VPS13B: variants seen among roughly 807,000 people sequenced by gnomAD.
VPS13B encodes vacuolar protein sorting 13 homolog B, also known as intermembrane lipid transfer protein VPS13B.
In VPS13B, 285 loss-of-function variants were observed where a neutral mutation model predicts 426.4. The ratio of observed to expected loss-of-function variants is 0.67; its 90% CI spans 0.61 to 0.74. The LOEUF (loss-of-function observed/expected upper bound fraction) is 0.74, where lower values mean the gene tolerates loss of function less well. VPS13B is among the 30% of genes least tolerant of loss of function. The pLI, the probability that VPS13B is intolerant of heterozygous loss-of-function variation, is 0.00. For missense variants in VPS13B, 4,537 were observed against 4,782.6 expected (o/e 0.95, Z 1.51); for synonymous variants, 1,676 against 1,676.4 (o/e 1.00, Z 0.01).
intron 31 of VPS13B, among the ~76,000 whole-genome samples, chr8:99,566,681 G>A (rs1056693276): frequency 2.0e-5 from 3 of 152,182 alleles, no homozygotes; most frequent in Admixed American, 1.3e-4. Flanking sequence ...GACCTCAGGT[G>A]ATCCACCAGC....
chr8:99,452,132 G>A (rs1818228718), intron 23 of VPS13B, among the ~76,000 whole-genome samples: 1 of 152,088 alleles, frequency 6.6e-6, no homozygotes, highest in Admixed American at 6.6e-5. Context: ...TACACTCCCT[G>A]CTGCTTGCTT....
chr8:99,761,197 C>T (rs547338090), intron 39 of VPS13B, among the ~76,000 whole-genome samples: 24 of 152,276 alleles, frequency 1.6e-4, no homozygotes, highest in South Asian at 6.2e-4. Context: ...AAAATTCTGA[C>T]GCATAACTGA....
chr8:99,271,603 C>A (rs538442856), intron 17 of VPS13B, among the ~76,000 whole-genome samples: 40 of 152,284 alleles, frequency 2.6e-4, no homozygotes, highest in African/African-American at 9.4e-4. Context: ...CTGCCTGAGA[C>A]TGGGTAATTT....
At chr8:99,832,723 G>A (rs772391510) in intron 52 of VPS13B, 71 bp downstream of exon 52, 182 of 1,518,136 alleles carry the variant, frequency 1.2e-4, no homozygotes, top group Non-Finnish European at 1.6e-4. Context: ...GATGCCAAGA[G>A]AGATACAATG....
At chr8:99,558,769 G>A (rs1026087577) in intron 31 of VPS13B, among the ~76,000 whole-genome samples, 29 of 152,194 alleles carry the variant, frequency 1.9e-4, no homozygotes, top group African/African-American at 4.1e-4. Context: ...ATAGTATTCC[G>A]TGGGGTATAT....
intron 17 of VPS13B, among the ~76,000 whole-genome samples, chr8:99,256,873 A>G (rs1003353759): frequency 2.6e-5 from 4 of 152,036 alleles, no homozygotes; most frequent in African/African-American, 9.7e-5. Context: ...AATTTTCACA[A>G]TGTTGAATAT....
intron 33 of VPS13B, among the ~76,000 whole-genome samples, chr8:99,632,136 T>A (rs1021593143): frequency 2.8e-4 from 43 of 151,950 alleles, no homozygotes; most frequent in African/African-American, 1.0e-3. Flanking sequence ...GTGTTGTGAA[T>A]GTGATATTCT....
At chr8:99,269,401 A>G (rs555458819) in intron 17 of VPS13B, among the ~76,000 whole-genome samples, 19 of 152,100 alleles carry the variant, frequency 1.2e-4, no homozygotes, top group Admixed American at 9.2e-4. Context: ...AAATGTGGGT[A>G]TTTTCACTAT....
intron 17 of VPS13B, among the ~76,000 whole-genome samples, chr8:99,216,748 G>A (rs890469503): frequency 6.6e-6 from 1 of 151,876 alleles, no homozygotes; most frequent in Non-Finnish European, 1.5e-5. Flanking sequence ...AAAAAAGAAT[G>A]TAAAGTATCT....
chr8:99,343,267 T>A (rs1811352899), intron 19 of VPS13B, among the ~76,000 whole-genome samples: 1 of 151,674 alleles, frequency 6.6e-6, no homozygotes, highest in African/African-American at 2.4e-5. Flanking sequence ...CTAATTTTTG[T>A]ATTTTTAGTA....
chr8:99,752,228 G>C (rs1394123931), intron 39 of VPS13B, among the ~76,000 whole-genome samples: 1 of 152,018 alleles, frequency 6.6e-6, no homozygotes, highest in African/African-American at 2.4e-5. Context: ...ATAGTCTGGG[G>C]AAAAGGCAGG....
At position 99,875,601 on chromosome 8, in the gene VPS13B, G is replaced by A. The variant is rs2130990784; in HGVS notation, c.11929G>A (p.Ala3977Thr). The A allele has an allele frequency of 6.2e-7, 1 of 1,614,150 alleles. No individual in the cohort carries two copies. The highest frequency in any genetic ancestry group is 8.5e-7 in the Non-Finnish European group (1 of 1,180,026). ...TYHYLVDPHF[A>T]QVFLSKFTMV... ...CCATTACCTGGTTGATCCACATTTT[G>A]CTCAGGTCTTCCTTAGTAAATTTAC... Residue 3977 changes from alanine to threonine, a missense_variant, in exon 62 of 62, where the codon GCT (alanine) becomes ACT (threonine). By Grantham distance (58) the Ala-to-Thr change is moderately conservative. Around this residue, in one of 2 missense-constraint regions of VPS13B, gnomAD observed 4,311 missense variants for 4,474.3 expected, o/e 0.96. Coordinates refer to ENST00000357162, the MANE Select transcript of VPS13B (RefSeq NM_152564.5).
intron 33 of VPS13B, among the ~76,000 whole-genome samples, chr8:99,603,507 G>A (rs980695583): frequency 1.3e-5 from 2 of 152,098 alleles, no homozygotes; most frequent in South Asian, 2.1e-4. Context: ...TTAAAATAAG[G>A]GTTACTTGAA....
Position 99,402,128 on chromosome 8 carries a change from G to C in VPS13B, c.3082+10424G>C, listed in dbSNP as rs77922639. The stretch of plus-strand genomic sequence containing the variant: ...GATTATCCTGTGGTGCAGATTCACT[G>C]TGCAGTGGTTACCAACTTGTCCAGT... On this transcript the variant is annotated intron_variant, in intron 21 of 61. Transcript: ENST00000357162. Among the ~76,000 whole-genome samples, 935 of 152,230 alleles carry C rather than the reference G, an allele frequency of 6.1e-3. 13 individuals are homozygous for C. Among genetic ancestry groups the C allele is most frequent in the African/African-American group, 0.02 (850 of 41,538 alleles).
intron 6 of VPS13B, among the ~76,000 whole-genome samples, chr8:99,112,377 G>C (rs1341801235): frequency 6.6e-6 from 1 of 151,966 alleles, no homozygotes; most frequent in Non-Finnish European, 1.5e-5. Flanking sequence ...TTTTGTTTTT[G>C]TTACCTTATA....
chr8:99,738,837 C>T (rs1232863920), intron 39 of VPS13B, among the ~76,000 whole-genome samples: 1 of 152,088 alleles, frequency 6.6e-6, no homozygotes, highest in East Asian at 1.9e-4. Context: ...ACCTGTCTAT[C>T]GAGGGTGGAG....
chr8:99,581,440 A>C (rs1588516081), intron 33 of VPS13B, among the ~76,000 whole-genome samples: 1 of 152,104 alleles, frequency 6.6e-6, no homozygotes, highest in Non-Finnish European at 1.5e-5. Flanking sequence ...TTAAACAAAA[A>C]TTTTCCAATA....
At position 99,134,999 on chromosome 8, in the gene VPS13B, T is replaced by C; in HGVS notation, c.1303-16T>C. 1 of 1,613,326 alleles carries C rather than the reference T, an allele frequency of 6.2e-7. No individual in the cohort carries two copies. The highest frequency in any genetic ancestry group is 1.1e-5 in the South Asian group (1 of 91,056). ...AAATTCAATTCTTAGTTCTAATGTT[T>C]CCTTTCGTCTTATAGGCCCTTATGA... On this transcript the variant is annotated splice_polypyrimidine_tract_variant and intron_variant, in intron 9 of 61. Coordinates refer to ENST00000357162, the MANE Select transcript of VPS13B (RefSeq NM_152564.5).
chr8:99,799,326 C>T (rs1813010611), intron 43 of VPS13B: 2 of 152,154 alleles, frequency 1.3e-5, no homozygotes, highest in South Asian at 4.1e-4. Context: ...AGGGACTTCC[C>T]TTCAGGCATT....
Sources: allele counts gnomAD v4.1 joint callset (sites outside exome capture counted in the v4.1 genomes callset), GRCh38; gene constraint gnomAD v4.1.1; regional missense constraint gnomAD v4.1.1; transcripts MANE v1.5; gene names NCBI Gene and HGNC (gene_info 2026-07-23, HGNC 2026-07-21).